PPP1R16B: variants seen among roughly 807,000 people sequenced by gnomAD.
PPP1R16B encodes protein phosphatase 1 regulatory inhibitor subunit 16B.
PPP1R16B carries 14 observed loss-of-function variants against 61.7 expected under a neutral mutation model. The ratio of observed to expected loss-of-function variants is 0.23; its 90% CI spans 0.15 to 0.35. The LOEUF (loss-of-function observed/expected upper bound fraction) is 0.35. Among genes scored for constraint, PPP1R16B ranks in the 10% least tolerant of loss-of-function variants. The probability of loss-of-function intolerance (pLI) is 1.00; values close to 1 mark genes in which losing one functional copy is unlikely to be tolerated. For synonymous variants in PPP1R16B, 266 were observed against 305.3 expected (o/e 0.87, Z 1.34); for missense variants, 547 against 752.5 (o/e 0.73, Z 3.19).
chr20:38,885,041 AAAAAAAAAAAAAAAAAAAG>A (rs2085233903), intron 2 of PPP1R16B, among the ~76,000 whole-genome samples: 1 of 147,072 alleles, frequency 6.8e-6, no homozygotes, highest in African/African-American at 2.5e-5. Context: ...TGTCTCAAAA[AAAAAAAAAAAAAAAAAAAG>A]AAGAAGAAGA....
chr20:38,823,915 C>A (rs1479466322), intron 1 of PPP1R16B, among the ~76,000 whole-genome samples: 2 of 151,954 alleles, frequency 1.3e-5, no homozygotes, highest in Non-Finnish European at 2.9e-5. Flanking sequence ...TCTTTCCTGT[C>A]TGACATTTTT....
chr20:38,844,943 G>A (rs1011093460), intron 2 of PPP1R16B, among the ~76,000 whole-genome samples: 7 of 152,074 alleles, frequency 4.6e-5, no homozygotes, highest in African/African-American at 1.7e-4. Flanking sequence ...CAATACCCTG[G>A]GATAGCAAAA....
chr20:38,902,885 T>G (rs1373853797), intron 6 of PPP1R16B, 93 bp downstream of exon 6: 1 of 1,564,070 alleles, frequency 6.4e-7, no homozygotes, highest in Non-Finnish European at 8.7e-7. Flanking sequence ...TTGGGGCCTG[T>G]CTGTGACCTT....
chr20:38,896,062 C>T (rs1183159833), intron 4 of PPP1R16B, among the ~76,000 whole-genome samples: 3 of 130,738 alleles, frequency 2.3e-5, no homozygotes, highest in African/African-American at 1.1e-4. Flanking sequence ...TTCCTCCCTT[C>T]CTTTCTTCCC....
intron 1 of PPP1R16B, among the ~76,000 whole-genome samples, chr20:38,814,732 C>T (rs2084724557): frequency 6.6e-6 from 1 of 152,162 alleles, no homozygotes; most frequent in South Asian, 2.1e-4. Context: ...CCCTAGTCTC[C>T]TCCGCTTCTT....
chr20:38,864,056 A>T (rs535183991), intron 2 of PPP1R16B, among the ~76,000 whole-genome samples: 7 of 152,374 alleles, frequency 4.6e-5, no homozygotes, highest in African/African-American at 1.4e-4. Context: ...TGAACTTTGA[A>T]AACACTATGT....
chr20:38,816,152 GGTGA>G (rs2084733935), intron 1 of PPP1R16B, among the ~76,000 whole-genome samples: 1 of 152,076 alleles, frequency 6.6e-6, no homozygotes, highest in African/African-American at 2.4e-5. Flanking sequence ...GTTAGGAAGG[GGTGA>G]GTAATTTTAG....
intron 10 of PPP1R16B, among the ~76,000 whole-genome samples, chr20:38,917,691 A>C (rs1473712779): frequency 6.6e-6 from 1 of 152,178 alleles, no homozygotes; most frequent in Non-Finnish European, 1.5e-5. Context: ...TGGACTTCAA[A>C]TGGGTCATCA....
intron 2 of PPP1R16B, among the ~76,000 whole-genome samples, chr20:38,853,973 A>G (rs4812319): frequency 0.66 from 100,975 of 152,074 alleles, 33,976 homozygotes; most frequent in African/African-American, 0.77. Context: ...CCAAGCTCAG[A>G]GTCAGTGTGG....
intron 6 of PPP1R16B, among the ~76,000 whole-genome samples, chr20:38,903,736 G>T (rs116352643): frequency 1.3e-5 from 2 of 152,100 alleles, no homozygotes; most frequent in East Asian, 3.9e-4. Flanking sequence ...TCTCAAATCC[G>T]CCTGGTTAAC....
intron 2 of PPP1R16B, among the ~76,000 whole-genome samples, chr20:38,886,143 C>A (rs2085243364): frequency 6.6e-6 from 1 of 152,156 alleles, no homozygotes; most frequent in Admixed American, 6.5e-5. Context: ...CGGTTGTGCA[C>A]TGGGCGCCGA....
chr20:38,824,687 A>T (rs1412507351), intron 1 of PPP1R16B, among the ~76,000 whole-genome samples: 1 of 152,250 alleles, frequency 6.6e-6, no homozygotes, highest in East Asian at 1.9e-4. Context: ...GTTTCCTTGG[A>T]ATTATTCTCT....
intron 1 of PPP1R16B, among the ~76,000 whole-genome samples, chr20:38,817,905 G>A (rs73621973): frequency 2.0e-5 from 3 of 152,152 alleles, no homozygotes; most frequent in Admixed American, 6.5e-5. Context: ...TTAGCCGGGC[G>A]TGGTGGCGGG....
chr20:38,869,115 T>G (rs1179565404), intron 2 of PPP1R16B, among the ~76,000 whole-genome samples: 2 of 151,894 alleles, frequency 1.3e-5, no homozygotes, highest in Non-Finnish European at 2.9e-5. Flanking sequence ...CTTTTTGTCT[T>G]TTTTTTGAGG....
chr20:38,813,359 T>C (rs1324469142), intron 1 of PPP1R16B, among the ~76,000 whole-genome samples: 1 of 152,224 alleles, frequency 6.6e-6, no homozygotes, highest in East Asian at 1.9e-4. Flanking sequence ...GCCTGGGCCT[T>C]AGCCCAGTCC....
intron 7 of PPP1R16B, among the ~76,000 whole-genome samples, chr20:38,906,621 C>T (rs1294578093): frequency 6.6e-6 from 1 of 152,118 alleles, no homozygotes; most frequent in Non-Finnish European, 1.5e-5. Flanking sequence ...ATCAAATTTG[C>T]CAAATAAGAA....
intron 2 of PPP1R16B, among the ~76,000 whole-genome samples, chr20:38,853,674 T>G (rs1416712255): frequency 6.6e-6 from 1 of 152,224 alleles, no homozygotes; most frequent in African/African-American, 2.4e-5. Context: ...AACAACTTCT[T>G]ATTTCTCAAT....
intron 10 of PPP1R16B, among the ~76,000 whole-genome samples, chr20:38,916,203 A>C (rs528495638): frequency 6.6e-6 from 1 of 151,288 alleles, no homozygotes; most frequent in South Asian, 2.1e-4. Flanking sequence ...CTGACTCTAA[A>C]AGGAGAAAGC....
intron 2 of PPP1R16B, among the ~76,000 whole-genome samples, chr20:38,884,011 T>G (rs2085223141): frequency 6.6e-6 from 1 of 152,112 alleles, no homozygotes; most frequent in Non-Finnish European, 1.5e-5. Context: ...ACTTGGGGCT[T>G]TGTGGGCAAG....
Sources: gnomAD v4.1 joint callset for allele counts (sites outside exome capture counted in the v4.1 genomes callset) on GRCh38, gnomAD v4.1.1 for gene constraint, MANE v1.5 for transcripts, NCBI Gene and HGNC (gene_info 2026-07-23, HGNC 2026-07-21) for gene names.